Variants in SNTG1 observed in about 807,000 individuals in gnomAD.
SNTG1 encodes the protein gamma-1-syntrophin.
SNTG1 carries 39 observed loss-of-function variants against 74.7 expected under a neutral mutation model. The observed-to-expected ratio is 0.52, with a 90% CI of 0.40 to 0.68. The LOEUF (loss-of-function observed/expected upper bound fraction) is 0.68. SNTG1 is among the 30% of genes least tolerant of loss of function. The probability of loss-of-function intolerance (pLI) is 0.00; values close to 1 mark genes in which losing one functional copy is unlikely to be tolerated. For missense variants in SNTG1, 685 were observed against 609.5 expected (o/e 1.12, Z -1.30); for synonymous variants, 254 against 217.1 (o/e 1.17, Z -1.49).
At position 50,301,862 on chromosome 8, in the gene SNTG1, G is replaced by T. The variant is rs1310160954; in HGVS notation, c.-27-92350G>T. 2.9e-4 allele frequency among the ~76,000 whole-genome samples: 31 copies of T among 105,156 alleles called. No individual in the cohort carries two copies. In the East Asian group the frequency reaches 0.019, roughly 63 times the overall value. 69.0% of individuals were successfully genotyped at this position (105,156 alleles called of 152,430 possible). ...TTTTTGTTTTCTGTTTTTGTTTTTT[G>T]TTTTTTTTTTTTGAGACAGAGTCTC... is the stretch of plus-strand genomic sequence containing the variant. On this transcript the variant is annotated intron_variant, in intron 2 of 18. Coordinates refer to ENST00000642720, the MANE Select transcript of SNTG1 (RefSeq NM_018967.5).
chr8:49,936,708 T>C (rs1322907544), intron 1 of SNTG1, among the ~76,000 whole-genome samples: 22 of 152,138 alleles, frequency 1.4e-4, no homozygotes, highest in Non-Finnish European at 2.8e-4. Context: ...CACCCTTATC[T>C]AGTCAAAATT....
chr8:49,980,938 A>G (rs1045974887), intron 1 of SNTG1, among the ~76,000 whole-genome samples: 3 of 152,292 alleles, frequency 2.0e-5, no homozygotes, highest in African/African-American at 7.2e-5. Flanking sequence ...TGTTTTTCCA[A>G]TAAAAATGGA....
chr8:50,294,253 A>G (rs1248661089), intron 2 of SNTG1, among the ~76,000 whole-genome samples: 1 of 152,252 alleles, frequency 6.6e-6, no homozygotes, highest in Non-Finnish European at 1.5e-5. Context: ...AAGAACCTCT[A>G]TATCAATTTA....
intron 2 of SNTG1, among the ~76,000 whole-genome samples, chr8:50,338,764 A>G (rs1427341962): frequency 6.6e-6 from 1 of 152,128 alleles, no homozygotes; most frequent in Non-Finnish European, 1.5e-5. Flanking sequence ...AGGAAACAGA[A>G]CCGTATACCC....
intron 12 of SNTG1, chr8:50,568,781 A>C (rs1161866480): frequency 6.6e-6 from 1 of 152,132 alleles, no homozygotes; most frequent in East Asian, 1.9e-4. Context: ...TTACTTTGTT[A>C]ATTGTTTTCT....
At position 49,966,067 on chromosome 8, in the gene SNTG1, A is replaced by T. The variant is rs115149493; in HGVS notation, c.-103+53836A>T. On this transcript the variant is annotated intron_variant, in intron 1 of 18. Coordinates refer to ENST00000642720, the MANE Select transcript of SNTG1 (RefSeq NM_018967.5). ...TCAGCATGTAATGTTCATCTCTAGA[A>T]TATATCTGGTTTCTATTTCTGATTC... 3.2e-3 allele frequency among the ~76,000 whole-genome samples: 486 copies of T among 152,178 alleles called. 1 individual carries two copies. Among genetic ancestry groups the T allele is most frequent in the African/African-American group, 0.011 (468 of 41,528 alleles).
intron 2 of SNTG1, among the ~76,000 whole-genome samples, chr8:50,181,246 C>T (rs1298413051): frequency 6.6e-6 from 1 of 152,180 alleles, no homozygotes; most frequent in African/African-American, 2.4e-5. Flanking sequence ...ACACATGCCC[C>T]ATCCTTAAAA....
intron 9 of SNTG1, among the ~76,000 whole-genome samples, chr8:50,518,704 GA>G (rs1332105808): frequency 1.3e-5 from 2 of 152,158 alleles, no homozygotes; most frequent in Non-Finnish European, 2.9e-5. Flanking sequence ...AGAAAATCTA[GA>G]AGAAATGGGT....
intron 17 of SNTG1, 98 bp from the exon 18 acceptor site, chr8:50,751,903 T>C: frequency 3.1e-6 from 2 of 645,116 alleles, no homozygotes; most frequent in Non-Finnish European, 5.2e-6. Context: ...GTACTAACTT[T>C]GTATGATTAA....
At chr8:50,726,275 T>C (rs1291918741) in intron 17 of SNTG1, among the ~76,000 whole-genome samples, 2 of 152,222 alleles carry the variant, frequency 1.3e-5, no homozygotes, top group Non-Finnish European at 2.9e-5. Context: ...TATTACTGTT[T>C]ATTACACAAG....
intron 12 of SNTG1, among the ~76,000 whole-genome samples, chr8:50,559,659 G>A (rs1446981907): frequency 6.6e-6 from 1 of 152,026 alleles, no homozygotes; most frequent in Non-Finnish European, 1.5e-5. Context: ...GGTTCTGGGA[G>A]AACTGGCTAA....
At chr8:49,925,625 C>T (rs1388376769) in intron 1 of SNTG1, among the ~76,000 whole-genome samples, 1 of 152,158 alleles carries the variant, frequency 6.6e-6, no homozygotes, top group Non-Finnish European at 1.5e-5. Flanking sequence ...CCCTGGAAAC[C>T]ACTGTTCTGC....
At chr8:50,460,608 A>T (rs2131677818) in intron 8 of SNTG1, among the ~76,000 whole-genome samples, 1 of 152,298 alleles carries the variant, frequency 6.6e-6, no homozygotes, top group Non-Finnish European at 1.5e-5. Flanking sequence ...TAGGATACTT[A>T]CAGTTCGATG....
rs569414797 is a variant in SNTG1 at position 50,581,781 on chromosome 8, A to G, written c.811-9098A>G. 7.9e-5 allele frequency among the ~76,000 whole-genome samples: 12 copies of G among 152,314 alleles called. No homozygotes were observed. In the East Asian group the frequency reaches 2.1e-3, roughly 27 times the overall value. ...CAAAGTTCTTTGGTTTCACAGACTC[A>G]AGCTCAGTTCGTTGTTGGAGATGTC... On this transcript the variant is annotated intron_variant, in intron 12 of 18. Coordinates refer to ENST00000642720, the MANE Select transcript of SNTG1 (RefSeq NM_018967.5).
intron 15 of SNTG1, among the ~76,000 whole-genome samples, chr8:50,693,117 G>T (rs112413758): frequency 1.3e-5 from 2 of 152,248 alleles, no homozygotes; most frequent in Admixed American, 6.5e-5. Flanking sequence ...GCAGTATTAG[G>T]GTGGGAGTGA....
intron 15 of SNTG1, among the ~76,000 whole-genome samples, chr8:50,687,104 C>T (rs1047182314): frequency 3.4e-5 from 5 of 148,538 alleles, no homozygotes; most frequent in Non-Finnish European, 5.9e-5. Context: ...CACTGCAGTC[C>T]GCAGTCCGGC....
chr8:49,991,668 C>T (rs548919280), intron 1 of SNTG1, among the ~76,000 whole-genome samples: 85 of 152,136 alleles, frequency 5.6e-4, no homozygotes, highest in Non-Finnish European at 9.3e-4. Flanking sequence ...CTGAGATGAG[C>T]TTTGAAAACA....
At chr8:50,555,075 A>T (rs2094448168) in intron 12 of SNTG1, among the ~76,000 whole-genome samples, 1 of 152,194 alleles carries the variant, frequency 6.6e-6, no homozygotes, top group South Asian at 2.1e-4. Flanking sequence ...CAGCAACAAC[A>T]AAACAGTGAA....
At chr8:50,085,550 G>T (rs537434506) in intron 1 of SNTG1, among the ~76,000 whole-genome samples, 1 of 152,248 alleles carries the variant, frequency 6.6e-6, no homozygotes, top group East Asian at 1.9e-4. Flanking sequence ...AAGCCCTCAG[G>T]TTCTTTCTGT....
Sources: allele counts gnomAD v4.1 joint callset (sites outside exome capture counted in the v4.1 genomes callset), GRCh38; gene constraint gnomAD v4.1.1; transcripts MANE v1.5; gene names NCBI Gene and HGNC (gene_info 2026-07-23, HGNC 2026-07-21).